The following GGA1 variants were observed in gnomAD, a reference collection of about 807,000 sequenced individuals.
GGA1 encodes golgi associated, gamma adaptin ear containing, ARF binding protein 1, also known as ADP-ribosylation factor-binding protein GGA1.
In GGA1, 18 loss-of-function variants were observed where a neutral mutation model predicts 76.9. The observed-to-expected ratio is 0.23, with a 90% CI of 0.16 to 0.35. The LOEUF (loss-of-function observed/expected upper bound fraction) is 0.35. GGA1 is among the 10% of genes least tolerant of loss of function. GGA1 has a pLI of 1.00. For synonymous variants in GGA1, 342 were observed against 354.7 expected (o/e 0.96, Z 0.40); for missense variants, 755 against 859.0 (o/e 0.88, Z 1.51).
chr22:37,615,376 G>A (rs1172325501), intron 2 of GGA1, among the ~76,000 whole-genome samples: 1 of 152,028 alleles, frequency 6.6e-6, no homozygotes, highest in African/African-American at 2.4e-5. Flanking sequence ...TTGAACCCAG[G>A]AGGTAGAAGT....
intron 1 of GGA1, chr22:37,613,274 G>A (rs541224933): frequency 6.9e-6 from 4 of 577,802 alleles, no homozygotes; most frequent in African/African-American, 2.0e-5. Context: ...ACAGCCATGC[G>A]TGGGTCAGAG....
chr22:37,627,165 A>AAAAAAG (rs1293588389), intron 11 of GGA1: 9 of 152,278 alleles, frequency 5.9e-5, no homozygotes, highest in African/African-American at 2.2e-4. Flanking sequence ...CGTCTCACAA[A>AAAAAAG]AAAAAGAAAA....
rs1930661564 is a variant in GGA1 at position 37,625,573 on chromosome 22, A to G, written c.941-224A>G. ...CTTAAGGATGGGTAGCAGTTTGCCC[A>G]GTAGAGCTAAGAAGGAAATACATTC... On this transcript the variant is annotated intron_variant, in intron 10 of 16. Transcript: ENST00000343632. This position sits in a 1 kb window ranked among gnomAD's most constrained non-coding sequence, Gnocchi z 4.1. 6.6e-6 allele frequency among the ~76,000 whole-genome samples: 1 copy of G among 152,152 alleles called. No homozygotes were observed. Among genetic ancestry groups the G allele is most frequent in the Non-Finnish European group, 1.5e-5 (1 of 68,012 alleles).
At position 37,620,380 on chromosome 22, in the gene GGA1, G is replaced by C. The variant is rs374379848; in HGVS notation, c.427+19G>C. 8.2e-5 allele frequency: 132 copies of C among 1,613,304 alleles called. 1 individual carries two copies. In the South Asian group the frequency reaches 1.0e-3, roughly 12 times the overall value. ...AAGCAGGGTGAGGCACACAGAGGGT[G>C]GGGGGCGACCAGGGCCTGCCTTCCC... On this transcript the variant is annotated intron_variant, in intron 5 of 16. Coordinates refer to ENST00000343632, the MANE Select transcript of GGA1 (RefSeq NM_013365.5).
intron 1 of GGA1, chr22:37,609,261 C>T (rs1927004166): frequency 8.7e-7 from 1 of 1,155,982 alleles, no homozygotes; most frequent in Non-Finnish European, 1.1e-6. Context: ...CGAGCGGTTC[C>T]CCGGGGTTGC....
At chr22:37,621,497 G>A in intron 6 of GGA1, 119 bp from the exon 7 acceptor site, 2 of 658,722 alleles carry the variant, frequency 3.0e-6, no homozygotes, top group Non-Finnish European at 5.4e-6. Flanking sequence ...ATTTCACAGA[G>A]AGCTTAAGTA....
intron 7 of GGA1, 22 bp downstream of exon 7, chr22:37,621,718 C>T (rs747882330): frequency 6.6e-7 from 1 of 1,517,580 alleles, no homozygotes. Flanking sequence ...GCCCAGAGCA[C>T]AGGGAGGAGG....
intron 1 of GGA1, chr22:37,609,128 CCT>C (rs930233597): frequency 1.4e-6 from 2 of 1,479,490 alleles, no homozygotes; most frequent in Admixed American, 2.2e-5. Context: ...CTGTCGGATC[CCT>C]GGGCCATGAC....
intron 4 of GGA1, among the ~76,000 whole-genome samples, chr22:37,618,868 G>A (rs1181583746): frequency 6.6e-6 from 1 of 152,110 alleles, no homozygotes; most frequent in African/African-American, 2.4e-5. Flanking sequence ...AGCCATCTCT[G>A]GCCTGAAATC....
In GGA1 at chr22:37,624,952, C is replaced by A; in HGVS notation, c.833-17C>A. On this transcript the variant is annotated splice_polypyrimidine_tract_variant and intron_variant, in intron 9 of 16. Coordinates refer to ENST00000343632, the MANE Select transcript of GGA1 (RefSeq NM_013365.5). This position sits in a 1 kb window ranked among gnomAD's most constrained non-coding sequence, Gnocchi z 4.3. ...CACAGTCCTTCAGCCTGGCCTCTCC[C>A]CTCCTGCCTGTTCCAGCGGAGATCC... 1 of 1,565,278 alleles carries A rather than the reference C, an allele frequency of 6.4e-7. No homozygotes were observed. The highest frequency in any genetic ancestry group is 1.2e-5 in the South Asian group (1 of 85,354).
Position 37,623,993 on chromosome 22 carries a change from C to T in GGA1, c.832+360C>T. ...AGACGGAGGGCCATCTGCCCCCAGACCTTCCTCCCTAATGAGGGTGAATGG... is the reference window on the plus strand; with the variant it reads ...AGACGGAGGGCCATCTGCCCCCAGATCTTCCTCCCTAATGAGGGTGAATGG... On this transcript the variant is annotated intron_variant, in intron 9 of 16. Coordinates refer to ENST00000343632, the MANE Select transcript of GGA1 (RefSeq NM_013365.5). The surrounding 1 kb of genome is among the most constrained non-coding windows in gnomAD (Gnocchi z 4.6). 3.9e-6 allele frequency: 1 copy of T among 254,104 alleles called. No individual in the cohort carries two copies. The highest frequency in any genetic ancestry group is 4.7e-5 in the South Asian group (1 of 21,166). The allele number at this position is 254,104 out of a possible 1,614,324, so 15.7% of individuals were successfully genotyped here.
chr22:37,620,386 C>T lies in GGA1; in HGVS notation c.427+25C>T, dbSNP rs201755566. On this transcript the variant is annotated intron_variant, in intron 5 of 16. Coordinates refer to ENST00000343632, the MANE Select transcript of GGA1 (RefSeq NM_013365.5). ...GGTGAGGCACACAGAGGGTGGGGGGCGACCAGGGCCTGCCTTCCCCTCCCC... is the reference window on the plus strand; with the variant it reads ...GGTGAGGCACACAGAGGGTGGGGGGTGACCAGGGCCTGCCTTCCCCTCCCC... 1.0e-3 allele frequency: 1,612 copies of T among 1,612,544 alleles called. 1 individual carries two copies. The highest frequency in any genetic ancestry group is 1.3e-3 in the Non-Finnish European group (1,486 of 1,179,082).
chr22:37,620,283 G>A lies in GGA1; in HGVS notation c.349G>A (p.Glu117Lys). 4 of 1,613,946 alleles carry A rather than the reference G, an allele frequency of 2.5e-6. No homozygotes were observed. Among genetic ancestry groups the A allele is most frequent in the Non-Finnish European group, 3.4e-6 (4 of 1,179,870 alleles). The change falls in exon 5 of 17, where the codon GAG (glutamate) becomes AAG (lysine). Residue 117 changes from glutamate (E) to lysine (K), a missense_variant. Physicochemically the swap from Glu to Lys is moderately conservative, Grantham distance 56. Transcript: ENST00000343632. ...GGAGAAGGTGAAGAACAAGATCTTGGAGCTCCTCTACAGCTGGACAGTGGG... is the reference window on the plus strand; with the variant it reads ...GGAGAAGGTGAAGAACAAGATCTTGAAGCTCCTCTACAGCTGGACAGTGGG... Reference protein sequence around the residue: ...TSEKVKNKILELLYSWTVGLP... With the variant: ...TSEKVKNKILKLLYSWTVGLP...
intron 5 of GGA1, 103 bp downstream of exon 5, chr22:37,620,464 A>G: frequency 5.6e-6 from 7 of 1,259,734 alleles, no homozygotes; most frequent in Non-Finnish European, 8.0e-6. Flanking sequence ...CAGCAAGGTC[A>G]TGGGTCTGTC....
rs1385932782 is a variant in GGA1 at position 37,632,337 on chromosome 22, G to A, written c.1699-68G>A. 2.9e-6 allele frequency: 4 copies of A among 1,366,850 alleles called. No individual in the cohort carries two copies. The highest frequency in any genetic ancestry group is 3.1e-6 in the Non-Finnish European group (3 of 957,586). 84.7% of individuals were successfully genotyped at this position (1,366,850 alleles called of 1,614,324 possible). On this transcript the variant is annotated intron_variant, in intron 15 of 16. Transcript: ENST00000343632. The surrounding 1 kb of genome is among the most constrained non-coding windows in gnomAD (Gnocchi z 5.1). ...ATCCCCGGAGGGGAGCTGGCAGGCT[G>A]GGCCTGGTTCCTCAGAGCAGGACAA... is the stretch of plus-strand genomic sequence containing the variant.
At chr22:37,618,712 T>C (rs1331059866) in intron 4 of GGA1, among the ~76,000 whole-genome samples, 166 bp downstream of exon 4, 1 of 151,902 alleles carries the variant, frequency 6.6e-6, no homozygotes, top group East Asian at 1.9e-4. Context: ...CTTCTCACAG[T>C]CCTCTCATAC....
chr22:37,629,338 C>T, intron 11 of GGA1, 124 bp from the exon 12 acceptor site: 2 of 653,146 alleles, frequency 3.1e-6, no homozygotes, highest in Non-Finnish European at 2.6e-6. Flanking sequence ...ATGTGGGTTT[C>T]TCCCCTCCGT....
At chr22:37,617,786 G>A (rs1444733281) in intron 3 of GGA1, 5 of 956,260 alleles carry the variant, frequency 5.2e-6, no homozygotes, top group Admixed American at 1.2e-4. Flanking sequence ...TGTAGCTTAG[G>A]ATAAGGCCAA....
At chr22:37,618,899 C>T (rs1929316587) in intron 4 of GGA1, among the ~76,000 whole-genome samples, 1 of 152,202 alleles carries the variant, frequency 6.6e-6, no homozygotes, top group Non-Finnish European at 1.5e-5. Context: ...GACCTGGCCA[C>T]AGAACCCTAC....
Sources: gnomAD v4.1 joint callset for allele counts (sites outside exome capture counted in the v4.1 genomes callset) on GRCh38, gnomAD v4.1.1 for gene constraint, Gnocchi (gnomAD v3.1) non-coding constraint, MANE v1.5 for transcripts, NCBI Gene and HGNC (gene_info 2026-07-23, HGNC 2026-07-21) for gene names.